RALGAPA2: variants seen among roughly 807,000 people sequenced by gnomAD.
RALGAPA2 encodes ral GTPase-activating protein subunit alpha-2.
In RALGAPA2, 139 loss-of-function variants were observed where a neutral mutation model predicts 230.4. The ratio of observed to expected loss-of-function variants is 0.60; its 90% confidence interval spans 0.53 to 0.69. The LOEUF is 0.69. RALGAPA2 is among the 30% of genes least tolerant of loss of function. The pLI is 0.00. For synonymous variants in RALGAPA2, 847 were observed against 837.8 expected, an observed-to-expected ratio of 1.01 and a Z score of -0.19; for missense variants, 2,163 against 2,276.0, an observed-to-expected ratio of 0.95 and a Z score of 1.01.
chr20:20,533,282 TAC>T (rs1353771956), intron 26 of RALGAPA2, among the ~76,000 whole-genome samples: 1 of 152,044 alleles, frequency 6.6e-6, no homozygotes, highest in East Asian at 1.9e-4. Flanking sequence ...TCTGGATATA[TAC>T]AGTTTTTGCA....
intron 36 of RALGAPA2, among the ~76,000 whole-genome samples, chr20:20,480,558 T>C (rs1010639874): frequency 3.9e-5 from 6 of 152,160 alleles, no homozygotes; most frequent in African/African-American, 1.4e-4. Context: ...AGATACAGTG[T>C]TCTCAGTGGG....
At chr20:20,527,347 G>A (rs1228053066) in intron 27 of RALGAPA2, among the ~76,000 whole-genome samples, 1 of 152,080 alleles carries the variant, frequency 6.6e-6, no homozygotes, top group Non-Finnish European at 1.5e-5. Context: ...GGTTGTAGTC[G>A]TTGCACTCAG....
chr20:20,478,949 A>G (rs893551276), intron 36 of RALGAPA2, among the ~76,000 whole-genome samples: 10 of 152,192 alleles, frequency 6.6e-5, no homozygotes, highest in Admixed American at 4.6e-4. Context: ...AAAAAGCACA[A>G]CTAAATAATA....
rs143926688 is a variant in RALGAPA2 at position 20,639,410 on chromosome 20, C to T, written c.666+375G>A. On this transcript the variant is annotated intron_variant, in intron 7 of 39. Transcript: ENST00000202677. ...ATACATGACATAAAGGAGGCCTGTGCCAATGGCATGAGGAGATTGCTCCAT... is the reference window on the plus strand; with the variant it reads ...ATACATGACATAAAGGAGGCCTGTGTCAATGGCATGAGGAGATTGCTCCAT... 7.6e-4 allele frequency among the ~76,000 whole-genome samples: 116 copies of T among 152,320 alleles called. 2 individuals are homozygous for T. In the East Asian group the frequency reaches 0.018, roughly 24 times the overall value.
At chr20:20,583,729 T>G (rs911543262) in intron 19 of RALGAPA2, among the ~76,000 whole-genome samples, 19 of 152,208 alleles carry the variant, frequency 1.2e-4, no homozygotes, top group African/African-American at 4.6e-4. Context: ...ACAGATTTTC[T>G]AGAACAGAAA....
At chr20:20,564,809 A>C (rs1420337714) in intron 23 of RALGAPA2, among the ~76,000 whole-genome samples, 1 of 152,218 alleles carries the variant, frequency 6.6e-6, no homozygotes, top group African/African-American at 2.4e-5. Context: ...TTGAAAGTCA[A>C]TATATTCTGA....
intron 16 of RALGAPA2, among the ~76,000 whole-genome samples, chr20:20,598,989 C>T (rs1422964941): frequency 6.6e-6 from 1 of 152,164 alleles, no homozygotes; most frequent in Non-Finnish European, 1.5e-5. Flanking sequence ...TCTCTAAATA[C>T]AGCCAACTTT....
In RALGAPA2 at chr20:20,585,683, C is replaced by A. The variant is rs564146482; in HGVS notation, c.2440-728G>T. Among the ~76,000 whole-genome samples the A allele has an allele frequency of 2.0e-5, 3 of 152,240 alleles. No individual in the cohort carries two copies. In the South Asian group the frequency reaches 6.2e-4, roughly 32 times the overall value. On this transcript the variant is annotated intron_variant, in intron 18 of 39. Coordinates refer to ENST00000202677, the MANE Select transcript of RALGAPA2 (RefSeq NM_020343.4). ...GGTAGAGGGAAGACAGGAGGGGATTCAAGGCAGGAAGTACTGGGTGGTAAT... is the reference window on the plus strand; with the variant it reads ...GGTAGAGGGAAGACAGGAGGGGATTAAAGGCAGGAAGTACTGGGTGGTAAT...
At chr20:20,662,456 C>T (rs1245910688) in intron 3 of RALGAPA2, among the ~76,000 whole-genome samples, 1 of 151,758 alleles carries the variant, frequency 6.6e-6, no homozygotes, top group African/African-American at 2.4e-5. Flanking sequence ...CTTGAATTTC[C>T]TACAATGCAA....
chr20:20,511,295 T>C lies in RALGAPA2; in HGVS notation c.4887A>G (p.Ser1629=), dbSNP rs927170968. 30 of 1,565,940 alleles carry C rather than the reference T, an allele frequency of 1.9e-5. No homozygotes were observed. The highest frequency in any genetic ancestry group is 1.7e-5 in the Non-Finnish European group (20 of 1,154,124). The change falls in exon 33 of 40, where the codon TCA becomes TCG. Residue 1629 remains serine (S), a synonymous_variant. Coordinates refer to ENST00000202677, the MANE Select transcript of RALGAPA2 (RefSeq NM_020343.4). ...RKNFHLLKKN[S]KLLRELKNLD... ...AATTTTTCAGCTCTCTCAATAATTT[T>C]GAATTTTTCTTCAATAGATGAAAAT...
chr20:20,587,112 T>G (rs2065156428), intron 18 of RALGAPA2, among the ~76,000 whole-genome samples: 1 of 151,894 alleles, frequency 6.6e-6, no homozygotes. Context: ...AACCAAAAGA[T>G]TCCTGCACCT....
intron 1 of RALGAPA2, among the ~76,000 whole-genome samples, chr20:20,709,253 A>T (rs544323132): frequency 6.6e-6 from 1 of 152,138 alleles, no homozygotes; most frequent in East Asian, 1.9e-4. Context: ...CAGGAGGCGG[A>T]GGTTGCAGTG....
chr20:20,658,046 T>C (rs2067649977), intron 3 of RALGAPA2, among the ~76,000 whole-genome samples: 2 of 152,222 alleles, frequency 1.3e-5, no homozygotes, highest in Admixed American at 6.5e-5. Context: ...ACTGTCAGTC[T>C]GCCACAAAAG....
At chr20:20,662,749 G>C (rs74437523) in intron 3 of RALGAPA2, among the ~76,000 whole-genome samples, 1 of 152,142 alleles carries the variant, frequency 6.6e-6, no homozygotes, top group Non-Finnish European at 1.5e-5. Flanking sequence ...TGCTCTAAAA[G>C]TTAGAGCCCT....
chr20:20,572,681 TAAATG>T (rs1243077302), intron 21 of RALGAPA2, among the ~76,000 whole-genome samples, 189 bp downstream of exon 21: 1 of 152,208 alleles, frequency 6.6e-6, no homozygotes, highest in African/African-American at 2.4e-5. Context: ...ACTTTTGCAC[TAAATG>T]AAATAACTTT....
chr20:20,611,479 T>G (rs1198230872), intron 13 of RALGAPA2, 53 bp from the exon 14 acceptor site: 8 of 1,565,252 alleles, frequency 5.1e-6, no homozygotes, highest in Non-Finnish European at 6.9e-6. Flanking sequence ...CCAAAGCACT[T>G]TAATTTATAG....
chr20:20,431,169 C>A (rs1037646553), intron 37 of RALGAPA2, among the ~76,000 whole-genome samples: 1 of 152,156 alleles, frequency 6.6e-6, no homozygotes, highest in Non-Finnish European at 1.5e-5. Flanking sequence ...AGGAAAACAT[C>A]ATGGGGCATT....
rs2059722083 is a variant in RALGAPA2, at chr20:20,396,556, G to A, written c.*35+139C>T. ...ACATGCAGGGGCAGGAGTGTGGGCA[G>A]GGCCCCCGGGGAGGGGAAGGCCCAG... On this transcript the variant is annotated intron_variant, in intron 39 of 39. Coordinates refer to ENST00000202677, the MANE Select transcript of RALGAPA2 (RefSeq NM_020343.4). 5 of 730,266 alleles carry A rather than the reference G, an allele frequency of 6.8e-6. No homozygotes were observed. In the South Asian group the frequency reaches 1.0e-4, roughly 15 times the overall value. 45.2% of individuals were successfully genotyped at this position (730,266 alleles called of 1,614,324 possible).
intron 24 of RALGAPA2, among the ~76,000 whole-genome samples, chr20:20,546,010 G>A (rs2063765069): frequency 2.0e-5 from 3 of 152,208 alleles, no homozygotes; most frequent in Admixed American, 2.0e-4. Context: ...AGGTTACAGT[G>A]AGCTAGGCAT....
Sources: allele counts gnomAD v4.1 joint callset (sites outside exome capture counted in the v4.1 genomes callset), GRCh38; gene constraint gnomAD v4.1.1; transcripts MANE v1.5; gene names NCBI Gene and HGNC (gene_info 2026-07-23, HGNC 2026-07-21).